Variants in IGSF9B observed in about 807,000 individuals in gnomAD.
The protein encoded by IGSF9B is immunoglobulin superfamily member 9B.
IGSF9B carries 48 observed loss-of-function variants against 143.7 expected under a neutral mutation model. That is an observed-to-expected ratio of 0.33 (90% CI 0.26 to 0.42). The LOEUF (loss-of-function observed/expected upper bound fraction) is 0.42. Among genes scored for constraint, IGSF9B ranks in the 20% least tolerant of loss-of-function variants. The pLI is 1.00. For missense variants in IGSF9B, 1,706 were observed against 1,980.0 expected, an observed-to-expected ratio of 0.86 and a Z score of 2.63; for synonymous variants, 903 against 833.1, an observed-to-expected ratio of 1.08 and a Z score of -1.44.
intron 3 of IGSF9B, among the ~76,000 whole-genome samples, chr11:133,939,271 T>TGG (rs1192294350): frequency 6.6e-6 from 1 of 151,776 alleles, no homozygotes; most frequent in Admixed American, 6.6e-5. Flanking sequence ...CTGCCTTACC[T>TGG]GGGCAGCCCA....
intron 4 of IGSF9B, 53 bp downstream of exon 4, chr11:133,937,757 C>T (rs916255190): frequency 2.5e-6 from 4 of 1,579,694 alleles, no homozygotes; most frequent in Non-Finnish European, 3.5e-6. Context: ...GGAGGCTGCC[C>T]TGGGGAAACG....
rs1056751640 is a variant in IGSF9B, at chr11:133,905,332, G to A, written c.*3737C>T. Among the ~76,000 whole-genome samples, 2 of 151,646 alleles carry A rather than the reference G, an allele frequency of 1.3e-5. No individual in the cohort carries two copies. Among genetic ancestry groups the A allele is most frequent in the African/African-American group, 4.9e-5 (2 of 41,218 alleles). Reference sequence around the variant, plus strand: ...GTCTTCAGCCCTGGAGATTCAGATCGTGGGCAGTGCCAAAGATGCTGGAGG... The same window carrying A: ...GTCTTCAGCCCTGGAGATTCAGATCATGGGCAGTGCCAAAGATGCTGGAGG... On this transcript the variant is annotated 3_prime_UTR_variant, in exon 20 of 20. Coordinates refer to ENST00000533871, the MANE Select transcript of IGSF9B (RefSeq NM_001277285.4). The surrounding 1 kb of genome is among the most constrained non-coding windows in gnomAD (Gnocchi z 4.0).
At chr11:133,929,172 C>T (rs1457793635) in intron 12 of IGSF9B, among the ~76,000 whole-genome samples, 1 of 152,142 alleles carries the variant, frequency 6.6e-6, no homozygotes, top group African/African-American at 2.4e-5. Flanking sequence ...ACCCCTTTAC[C>T]CTGATGCGAT....
chr11:133,952,211 C>T (rs368620544), intron 1 of IGSF9B: 2 of 380,666 alleles, frequency 5.3e-6, no homozygotes, highest in East Asian at 7.5e-5. Flanking sequence ...CTGCCTCCAG[C>T]AGACTGGGCT....
rs1842658222 is a variant in IGSF9B, at chr11:133,906,962, G to A, written c.*2107C>T. On this transcript the variant is annotated 3_prime_UTR_variant, in exon 20 of 20. Coordinates refer to ENST00000533871, the MANE Select transcript of IGSF9B (RefSeq NM_001277285.4). ...AGTGAGCAGCACATCACGACGCGGGGGCAGAGGGTGTGCTACCTGGAAAAA... is the reference window on the plus strand; with the variant it reads ...AGTGAGCAGCACATCACGACGCGGGAGCAGAGGGTGTGCTACCTGGAAAAA... Among the ~76,000 whole-genome samples, 1 of 152,164 alleles carries A rather than the reference G, an allele frequency of 6.6e-6. No homozygotes were observed. Among genetic ancestry groups the A allele is most frequent in the African/African-American group, 2.4e-5 (1 of 41,422 alleles).
At chr11:133,923,977 A>T (rs1387328623) in intron 15 of IGSF9B, among the ~76,000 whole-genome samples, 1 of 151,982 alleles carries the variant, frequency 6.6e-6, no homozygotes, top group Admixed American at 6.6e-5. Flanking sequence ...TTTTTTTTTA[A>T]AGCCCATTGA....
chr11:133,921,172 G>A lies in IGSF9B; in HGVS notation c.2553C>T (p.Ser851=). 3 of 1,610,266 alleles carry A rather than the reference G, an allele frequency of 1.9e-6. No homozygotes were observed. The highest frequency in any genetic ancestry group is 2.5e-6 in the Non-Finnish European group (3 of 1,177,654). The stretch of plus-strand genomic sequence containing the variant: ...TCACGAAGCGGCCGTCAGGGCCTCT[G>A]CTGATGAGCTCGATGGGCGTGGTGG... ...AEATTPIELI[S]RGPDGRFVMD... is the part of the protein sequence containing the mutation. The change falls in exon 18 of 20, where the codon AGC becomes AGT. Residue 851 remains serine (S), a synonymous_variant. Transcript: ENST00000533871.
In IGSF9B at chr11:133,905,996, A is replaced by G. The variant is rs1939205920; in HGVS notation, c.*3073T>C. Reference sequence around the variant, plus strand: ...TGACACTACAACAGCCACAGTTCTCAGCCATGATGCTGAAGAGGCAGACAG... The same window carrying G: ...TGACACTACAACAGCCACAGTTCTCGGCCATGATGCTGAAGAGGCAGACAG... On this transcript the variant is annotated 3_prime_UTR_variant, in exon 20 of 20. Transcript: ENST00000533871. This position sits in a 1 kb window ranked among gnomAD's most constrained non-coding sequence, Gnocchi z 4.0. 6.6e-6 allele frequency among the ~76,000 whole-genome samples: 1 copy of G among 152,236 alleles called. No individual in the cohort carries two copies. Among genetic ancestry groups the G allele is most frequent in the South Asian group, 2.1e-4 (1 of 4,834 alleles).
In IGSF9B at chr11:133,905,585, G is replaced by A. The variant is rs1007283275; in HGVS notation, c.*3484C>T. On this transcript the variant is annotated 3_prime_UTR_variant, in exon 20 of 20. Transcript: ENST00000533871. This position sits in a 1 kb window ranked among gnomAD's most constrained non-coding sequence, Gnocchi z 4.0. ...AAGAAATACTCGGCTCAATCCACCC[G>A]GCTTCAGTCTTCCCCCAAGCGCATG... Among the ~76,000 whole-genome samples the A allele has an allele frequency of 1.1e-4, 17 of 152,270 alleles. No individual in the cohort carries two copies. Among genetic ancestry groups the A allele is most frequent in the Middle Eastern group, 3.4e-3 (1 of 294 alleles).
intron 12 of IGSF9B, among the ~76,000 whole-genome samples, chr11:133,927,921 A>G (rs1397248737): frequency 1.3e-5 from 2 of 152,150 alleles, no homozygotes; most frequent in Non-Finnish European, 2.9e-5. Context: ...GAGGCAGCGG[A>G]AAGCAGTACA....
chr11:133,920,052 G>T lies in IGSF9B; in HGVS notation c.3673C>A (p.Arg1225Ser). The T allele has an allele frequency of 6.4e-7, 1 of 1,557,346 alleles. No individual in the cohort carries two copies. The highest frequency in any genetic ancestry group is 8.7e-7 in the Non-Finnish European group (1 of 1,153,726). ...SPELAARARP[R>S]PGLLQQAEMS... is the part of the protein sequence containing the mutation. ...TCTGCCTGCTGCAGGAGGCCCGGGC[G>T]AGGCCGGGCACGGGCGGCGAGCTCA... The change falls in exon 18 of 20, where the codon CGC becomes AGC. Residue 1225 changes from arginine (R) to serine (S), a missense_variant. This residue lies in a region of IGSF9B where 880 missense variants were observed against 762.9 expected (regional missense o/e 1.15). Transcript: ENST00000533871.
At position 133,902,391 on chromosome 11, in the gene IGSF9B, C is replaced by T. The variant is rs1332989665; in HGVS notation, c.*6678G>A. ...GACACACCACACACAACACACCACA[C>T]AATACGCACAACACATACCACACAC... On this transcript the variant is annotated 3_prime_UTR_variant, in exon 20 of 20. Coordinates refer to ENST00000533871, the MANE Select transcript of IGSF9B (RefSeq NM_001277285.4). 2.1e-5 allele frequency among the ~76,000 whole-genome samples: 3 copies of T among 141,256 alleles called. No individual in the cohort carries two copies. In the East Asian group the frequency reaches 6.9e-4, roughly 33 times the overall value. The allele number at this position is 141,256 out of a possible 152,430, so 92.7% of individuals were successfully genotyped here. A position where few individuals can be genotyped will look rare whatever the true frequency, so the allele number is the denominator to read the frequency against.
chr11:133,926,908 G>A lies in IGSF9B; in HGVS notation c.1807+8C>T, dbSNP rs1565431231. 2 of 1,570,748 alleles carry A rather than the reference G, an allele frequency of 1.3e-6. No homozygotes were observed. The highest frequency in any genetic ancestry group is 2.3e-5 in the East Asian group (1 of 42,844). On this transcript the variant is annotated splice_region_variant and intron_variant, in intron 13 of 19. Transcript: ENST00000533871. The stretch of plus-strand genomic sequence containing the variant: ...CCCCGCTCCCAACATCCCACCCCGG[G>A]CCCTCACCTAAAGTGTTCACAGTGA...
At position 133,920,623 on chromosome 11, in the gene IGSF9B, C is replaced by G; in HGVS notation, c.3102G>C (p.Gly1034=). 1 of 1,613,510 alleles carries G rather than the reference C, an allele frequency of 6.2e-7. No individual in the cohort carries two copies. The highest frequency in any genetic ancestry group is 8.5e-7 in the Non-Finnish European group (1 of 1,179,834). Residue 1034 remains glycine, a synonymous_variant, in exon 18 of 20, where the codon GGG becomes GGC. Transcript: ENST00000533871. ...GCCGGCCCCAGGGCTCAGGGGAGCG[C>G]CCTCCTGTAGGTGTCTGAGTCAAGG... ...TLPLTQTPTG[G]RSPEPWGRPE...
rs3819194 is a variant in IGSF9B, at chr11:133,924,486, C to G, written c.2119+334G>C. On this transcript the variant is annotated intron_variant, in intron 15 of 19. Transcript: ENST00000533871. ...TTGTTTCCTCCGATTCACAGCCCCT[C>G]CCCGACAAGAGGAAACTGAAAATGT... Among the ~76,000 whole-genome samples the G allele has an allele frequency of 1.2e-3, 180 of 152,310 alleles. 1 individual carries two copies. In the East Asian group the frequency reaches 0.02, roughly 17 times the overall value.
At position 133,907,257 on chromosome 11, in the gene IGSF9B, G is replaced by A. The variant is rs1005075823; in HGVS notation, c.*1812C>T. Among the ~76,000 whole-genome samples the A allele has an allele frequency of 6.6e-6, 1 of 152,214 alleles. No individual in the cohort carries two copies. The highest frequency in any genetic ancestry group is 1.5e-5 in the Non-Finnish European group (1 of 68,040). On this transcript the variant is annotated 3_prime_UTR_variant, in exon 20 of 20. Transcript: ENST00000533871. ...CTGGGTGAAAGGAAGGACCAGGGCC[G>A]GTGTGGCACAGAAGAAGTCCATCCC...
At chr11:133,944,020 GCCTGCA>G in intron 3 of IGSF9B, among the ~76,000 whole-genome samples, 194 bp downstream of exon 3, 1 of 152,224 alleles carries the variant, frequency 6.6e-6, no homozygotes, top group East Asian at 1.9e-4. Flanking sequence ...CACCTGCACT[GCCTGCA>G]CAGGCTTCGA....
chr11:133,935,479 CCTT>C lies in IGSF9B; in HGVS notation c.967+135_967+137del, dbSNP rs545127839. 355 of 1,047,992 alleles carry C rather than the reference CCTT, an allele frequency of 3.4e-4. 1 individual carries two copies. In the African/African-American group the frequency reaches 4.8e-3, roughly 14 times the overall value. The allele number at this position is 1,047,992 out of a possible 1,614,324, so 64.9% of individuals were successfully genotyped here. The stretch of plus-strand genomic sequence containing the variant: ...CTCGGCCTCCTCTCCAGCCATCCCT[CCTT>C]CTTCTCTTATTCGCTCCTCCACCTA... On this transcript the variant is annotated intron_variant, in intron 7 of 19. Coordinates refer to ENST00000533871, the MANE Select transcript of IGSF9B (RefSeq NM_001277285.4).
intron 6 of IGSF9B, 76 bp from the exon 7 acceptor site, chr11:133,935,838 G>T (rs1034596088): frequency 6.5e-7 from 1 of 1,544,574 alleles, no homozygotes; most frequent in African/African-American, 1.3e-5. Flanking sequence ...CACCGTCACT[G>T]CCCCAGATGT....
Sources: gnomAD v4.1 joint callset for allele counts (sites outside exome capture counted in the v4.1 genomes callset) on GRCh38, gnomAD v4.1.1 for gene constraint, gnomAD v4.1.1 regional missense constraint, Gnocchi (gnomAD v3.1) non-coding constraint, MANE v1.5 for transcripts, NCBI Gene and HGNC (gene_info 2026-07-23, HGNC 2026-07-21) for gene names.